MAGI2: variants seen among roughly 807,000 people sequenced by gnomAD.
MAGI2 encodes the protein membrane associated guanylate kinase, WW and PDZ domain containing 2.
Under a neutral mutation model 133.3 loss-of-function variants are expected in MAGI2, and 35 were observed. That is an observed-to-expected ratio of 0.26 (90% CI 0.20 to 0.35). The LOEUF (loss-of-function observed/expected upper bound fraction) is 0.35, where lower values mean the gene tolerates loss of function less well. MAGI2 is among the 10% of genes least tolerant of loss of function. MAGI2 has a pLI of 1.00. For synonymous variants in MAGI2, 729 were observed against 710.6 expected (o/e 1.03, Z -0.41); for missense variants, 1,636 against 1,863.4 (o/e 0.88, Z 2.25).
chr7:79,446,156 G>A (rs2129202544), intron 1 of MAGI2, among the ~76,000 whole-genome samples: 1 of 152,222 alleles, frequency 6.6e-6, no homozygotes, highest in South Asian at 2.1e-4. Flanking sequence ...TCACACACCT[G>A]GGCCTGTTGT....
At chr7:79,161,770 AT>A (rs1021736714) in intron 1 of MAGI2, among the ~76,000 whole-genome samples, 2 of 152,134 alleles carry the variant, frequency 1.3e-5, no homozygotes, top group African/African-American at 4.8e-5. Context: ...AAGCAAACTT[AT>A]CTTTCTAAGT....
intron 2 of MAGI2, among the ~76,000 whole-genome samples, chr7:78,724,352 G>T (rs1820554580): frequency 6.6e-6 from 1 of 152,082 alleles, no homozygotes; most frequent in African/African-American, 2.4e-5. Flanking sequence ...CTAAAAGATG[G>T]GTTTCAAATG....
rs369937193 is a variant in MAGI2 at position 79,390,775 on chromosome 7, A to G, written c.301+62245T>C. On this transcript the variant is annotated intron_variant, in intron 1 of 21. Coordinates refer to ENST00000354212, the MANE Select transcript of MAGI2 (RefSeq NM_012301.4). ...TATTGCAGGGCAAGAAAGTTTTGGT[A>G]GAGAGCAAAAACTTGGGAAGAGCAA... Among the ~76,000 whole-genome samples, 4 of 152,216 alleles carry G rather than the reference A, an allele frequency of 2.6e-5. No homozygotes were observed. In the East Asian group the frequency reaches 5.8e-4, roughly 22 times the overall value.
At chr7:79,285,620 TTCTTTTAAATCTTTAGACAAA>T (rs1390231833) in intron 1 of MAGI2, among the ~76,000 whole-genome samples, 1 of 152,126 alleles carries the variant, frequency 6.6e-6, no homozygotes, top group Middle Eastern at 3.2e-3. Flanking sequence ...CTCTTTTTTA[TTCTTTTAAATCTTTAGACAAA>T]TGGAACACTA....
At chr7:78,291,394 TC>T (rs1175794427) in intron 9 of MAGI2, among the ~76,000 whole-genome samples, 1 of 152,092 alleles carries the variant, frequency 6.6e-6, no homozygotes, top group Non-Finnish European at 1.5e-5. Flanking sequence ...ATAAGTCAAA[TC>T]CCTAAATAGA....
chr7:78,434,114 C>G (rs539181739), intron 6 of MAGI2, among the ~76,000 whole-genome samples: 1 of 152,054 alleles, frequency 6.6e-6, no homozygotes, highest in Non-Finnish European at 1.5e-5. Context: ...TTAGATGATG[C>G]CAAGATCAAA....
chr7:78,657,987 A>T (rs1812491663), intron 2 of MAGI2, among the ~76,000 whole-genome samples: 1 of 152,216 alleles, frequency 6.6e-6, no homozygotes, highest in South Asian at 2.1e-4. Context: ...TCTATTAAAA[A>T]AAAGAAATCA....
chr7:78,704,186 A>G (rs1006212512), intron 2 of MAGI2, among the ~76,000 whole-genome samples: 2 of 152,156 alleles, frequency 1.3e-5, no homozygotes, highest in African/African-American at 4.8e-5. Flanking sequence ...AAGGTCTAAT[A>G]TTCAAAATGT....
intron 1 of MAGI2, among the ~76,000 whole-genome samples, chr7:79,261,012 C>A (rs931503338): frequency 2.6e-5 from 4 of 152,052 alleles, no homozygotes; most frequent in African/African-American, 9.7e-5. Context: ...GGAAAACAAA[C>A]AATAAACAGG....
rs767332496 is a variant in MAGI2 at position 79,399,095 on chromosome 7, C to CTTTTTTTTTTTTTT, written c.301+53911_301+53924dup. On this transcript the variant is annotated intron_variant, in intron 1 of 21. Transcript: ENST00000354212. ...GTATTATTTCTTTTTTTTTTCTTTT[C>CTTTTTTTTTTTTTT]TTTTTTTTTTTTTTTGGGAGATGGA... 5.3e-4 allele frequency among the ~76,000 whole-genome samples: 56 copies of CTTTTTTTTTTTTTT among 106,256 alleles called. 1 individual carries two copies. The highest frequency in any genetic ancestry group is 1.8e-3 in the African/African-American group (46 of 24,986). The allele number at this position is 106,256 out of a possible 152,430, so 69.7% of individuals were successfully genotyped here.
At chr7:79,409,298 C>T (rs918741486) in intron 1 of MAGI2, among the ~76,000 whole-genome samples, 1 of 151,666 alleles carries the variant, frequency 6.6e-6, no homozygotes, top group African/African-American at 2.4e-5. Flanking sequence ...CTCTCTCCCT[C>T]TTATTTTTTT....
At chr7:79,133,547 A>T (rs1821124706) in intron 1 of MAGI2, among the ~76,000 whole-genome samples, 1 of 152,156 alleles carries the variant, frequency 6.6e-6, no homozygotes, top group African/African-American at 2.4e-5. Flanking sequence ...CTGTTTTGGT[A>T]ACTACAGCCT....
intron 9 of MAGI2, among the ~76,000 whole-genome samples, chr7:78,294,796 A>G (rs752814308): frequency 2.0e-5 from 3 of 152,152 alleles, no homozygotes; most frequent in Admixed American, 6.6e-5. Flanking sequence ...TTAGGAACTT[A>G]CAGTCTTTGA....
chr7:78,487,573 T>C, intron 6 of MAGI2, among the ~76,000 whole-genome samples: 1 of 152,058 alleles, frequency 6.6e-6, no homozygotes, highest in Non-Finnish European at 1.5e-5. Flanking sequence ...ACCTGGCCCT[T>C]TACAGAAAAT....
intron 3 of MAGI2, among the ~76,000 whole-genome samples, chr7:78,574,479 G>A (rs554035777): frequency 1.3e-5 from 2 of 152,278 alleles, no homozygotes; most frequent in African/African-American, 4.8e-5. Context: ...AAACACATGT[G>A]TTCACTATGT....
At chr7:78,916,493 A>G (rs1467917796) in intron 2 of MAGI2, among the ~76,000 whole-genome samples, 1 of 152,146 alleles carries the variant, frequency 6.6e-6, no homozygotes, top group Admixed American at 6.6e-5. Flanking sequence ...TATCATTTAT[A>G]AGATAATGCA....
At chr7:78,893,301 C>G (rs1490770435) in intron 2 of MAGI2, among the ~76,000 whole-genome samples, 1 of 152,134 alleles carries the variant, frequency 6.6e-6, no homozygotes, top group Non-Finnish European at 1.5e-5. Flanking sequence ...ACTTGTTCAG[C>G]CATTGTGGAA....
At chr7:78,734,569 A>G (rs1157985101) in intron 2 of MAGI2, among the ~76,000 whole-genome samples, 2 of 152,194 alleles carry the variant, frequency 1.3e-5, no homozygotes, top group Non-Finnish European at 2.9e-5. Flanking sequence ...AGCAAAGTAC[A>G]TTTGACCACC....
chr7:78,302,952 G>A (rs958849279), intron 9 of MAGI2, among the ~76,000 whole-genome samples: 1 of 152,164 alleles, frequency 6.6e-6, no homozygotes, highest in Non-Finnish European at 1.5e-5. Context: ...GCAATCCTAA[G>A]TATGTGATGG....
Sources: gnomAD v4.1 joint callset for allele counts (sites outside exome capture counted in the v4.1 genomes callset) on GRCh38, gnomAD v4.1.1 for gene constraint, MANE v1.5 for transcripts, NCBI Gene and HGNC (gene_info 2026-07-23, HGNC 2026-07-21) for gene names.